The following DRG2 variants were observed in gnomAD, a reference collection of about 807,000 sequenced individuals.
DRG2 encodes the protein developmentally regulated GTP binding protein 2.
In DRG2, 36 loss-of-function variants were observed where a neutral mutation model predicts 53.4. The observed-to-expected ratio is 0.67, with a 90% confidence interval of 0.52 to 0.89. The LOEUF is 0.89. Among genes scored for constraint, DRG2 ranks in the 40% least tolerant of loss-of-function variants. DRG2 has a pLI of 0.00. For missense variants in DRG2, 342 were observed against 481.2 expected (o/e 0.71, Z 2.71); for synonymous variants, 167 against 192.1 (o/e 0.87, Z 1.08).
chr17:18,106,457 G>T lies in DRG2; in HGVS notation c.979G>T (p.Ala327Ser), dbSNP rs374043604. Reference protein sequence around the residue: ...HVCHRIHRSLASQFKYALVWG... With the variant: ...HVCHRIHRSLSSQFKYALVWG... ...GTGCCACCGCATCCACCGGTCACTC[G>T]CCAGCCAGTTCAAGTACGCCCTGGT... is the stretch of plus-strand genomic sequence containing the variant. Residue 327 changes from alanine to serine, a missense_variant, in exon 12 of 13, where the codon GCC becomes TCC. By Grantham distance (99) the Ala-to-Ser change is moderately conservative (BLOSUM62 1). Transcript: ENST00000225729. 3.7e-6 allele frequency: 6 copies of T among 1,614,010 alleles called. No individual in the cohort carries two copies. Among genetic ancestry groups the T allele is most frequent in the Non-Finnish European group, 5.1e-6 (6 of 1,179,942 alleles).
chr17:18,089,706 T>C (rs1345268873), intron 1 of DRG2, among the ~76,000 whole-genome samples: 1 of 152,122 alleles, frequency 6.6e-6, no homozygotes, highest in Admixed American at 6.6e-5. Context: ...GCATTTGAAC[T>C]AAGACCTGAT....
Position 18,098,222 on chromosome 17 carries a change from A to C in DRG2, c.226-48A>C, listed in dbSNP as rs987299468. 9 of 1,531,344 alleles carry C rather than the reference A, an allele frequency of 5.9e-6. No individual in the cohort carries two copies. Among genetic ancestry groups the C allele is most frequent in the Non-Finnish European group, 7.2e-6 (8 of 1,106,996 alleles). 94.9% of individuals were successfully genotyped at this position (1,531,344 alleles called of 1,614,324 possible). A position where few individuals can be genotyped will look rare whatever the true frequency, so the allele number is the denominator to read the frequency against. On this transcript the variant is annotated intron_variant, in intron 2 of 12. Coordinates refer to ENST00000225729, the MANE Select transcript of DRG2 (RefSeq NM_001388.5). The surrounding 1 kb of genome is among the most constrained non-coding windows in gnomAD (Gnocchi z 4.1). ...CCCCAGCCCCTGGGGCCTCTCCCAG[A>C]AGGCCAGGGACAAGGCTCCTCAGTG... is the stretch of plus-strand genomic sequence containing the variant.
chr17:18,103,993 G>C lies in DRG2; in HGVS notation c.895+104G>C, dbSNP rs2045583597. The C allele has an allele frequency of 2.7e-6, 3 of 1,116,514 alleles. No homozygotes were observed. The South Asian group carries it at 3.9e-5, about 15-fold the overall frequency. 69.2% of individuals were successfully genotyped at this position (1,116,514 alleles called of 1,614,324 possible). A position where few individuals can be genotyped will look rare whatever the true frequency, so the allele number is the denominator to read the frequency against. ...GAGACCCCAGCACCGGCTCTGGCCT[G>C]GCTTGTCTAGACACACCTCAGCTCT... On this transcript the variant is annotated intron_variant, in intron 10 of 12. Transcript: ENST00000225729. This position sits in a 1 kb window ranked among gnomAD's most constrained non-coding sequence, Gnocchi z 4.4.
At position 18,099,374 on chromosome 17, in the gene DRG2, T is replaced by C; in HGVS notation, c.377-259T>C. ...GGAAATGTTCAGGAAGCATTTAGCCTGGGCCCTGCCACATGGTAGGGGTGG... is the reference window on the plus strand; with the variant it reads ...GGAAATGTTCAGGAAGCATTTAGCCCGGGCCCTGCCACATGGTAGGGGTGG... On this transcript the variant is annotated intron_variant, in intron 4 of 12. Transcript: ENST00000225729. This position sits in a 1 kb window ranked among gnomAD's most constrained non-coding sequence, Gnocchi z 4.4. 1.6e-6 allele frequency: 1 copy of C among 611,248 alleles called. No homozygotes were observed. 37.9% of individuals were successfully genotyped at this position (611,248 alleles called of 1,614,324 possible).
Position 18,099,861 on chromosome 17 carries a change from C to T in DRG2, c.467+138C>T, listed in dbSNP as rs1054749091. 3.7e-6 allele frequency: 3 copies of T among 807,840 alleles called. No homozygotes were observed. In the African/African-American group the frequency reaches 5.1e-5, roughly 14 times the overall value. 50.0% of individuals were successfully genotyped at this position (807,840 alleles called of 1,614,324 possible). On this transcript the variant is annotated intron_variant, in intron 5 of 12. Coordinates refer to ENST00000225729, the MANE Select transcript of DRG2 (RefSeq NM_001388.5). The surrounding 1 kb of genome is among the most constrained non-coding windows in gnomAD (Gnocchi z 4.4). Reference sequence around the variant, plus strand: ...GGTAGGACTTGTCACAGACTAAACCCAACACCACCCAGCCTATGGCGTCTT... The same window carrying T: ...GGTAGGACTTGTCACAGACTAAACCTAACACCACCCAGCCTATGGCGTCTT...
At position 18,098,648 on chromosome 17, in the gene DRG2, C is replaced by T. The variant is rs965029616; in HGVS notation, c.315+289C>T. ...CCACCACAGCTCTGGTCACTAATTG[C>T]TGCTTGGCTGGATCCTTCTGCCTCC... On this transcript the variant is annotated intron_variant, in intron 3 of 12. Coordinates refer to ENST00000225729, the MANE Select transcript of DRG2 (RefSeq NM_001388.5). This position sits in a 1 kb window ranked among gnomAD's most constrained non-coding sequence, Gnocchi z 4.1. 1.3e-5 allele frequency among the ~76,000 whole-genome samples: 2 copies of T among 152,248 alleles called. No individual in the cohort carries two copies. The highest frequency in any genetic ancestry group is 2.9e-5 in the Non-Finnish European group (2 of 68,046).
chr17:18,092,258 G>A (rs1450131195), intron 1 of DRG2, among the ~76,000 whole-genome samples: 1 of 152,162 alleles, frequency 6.6e-6, no homozygotes, highest in Non-Finnish European at 1.5e-5. Flanking sequence ...ACAGCCAGGA[G>A]TTCAAGACCA....
In DRG2 at chr17:18,100,250, G is replaced by C. The variant is rs1013126478; in HGVS notation, c.468-113G>C. Reference sequence around the variant, plus strand: ...GTGTTCTCTGGGTTGCTGGGGAAGGGGGTGGAGGAGAGAGTCAGTCTCTGG... The same window carrying C: ...GTGTTCTCTGGGTTGCTGGGGAAGGCGGTGGAGGAGAGAGTCAGTCTCTGG... On this transcript the variant is annotated intron_variant, in intron 5 of 12. Coordinates refer to ENST00000225729, the MANE Select transcript of DRG2 (RefSeq NM_001388.5). The surrounding 1 kb of genome is among the most constrained non-coding windows in gnomAD (Gnocchi z 4.1). 4.8e-5 allele frequency: 52 copies of C among 1,079,164 alleles called. No individual in the cohort carries two copies. The highest frequency in any genetic ancestry group is 2.2e-4 in the Admixed American group (13 of 58,032). The allele number at this position is 1,079,164 out of a possible 1,614,324, so 66.8% of individuals were successfully genotyped here.
chr17:18,100,918 G>A lies in DRG2; in HGVS notation c.631+259G>A, dbSNP rs1170254841. On this transcript the variant is annotated intron_variant, in intron 7 of 12. Coordinates refer to ENST00000225729, the MANE Select transcript of DRG2 (RefSeq NM_001388.5). The surrounding 1 kb of genome is among the most constrained non-coding windows in gnomAD (Gnocchi z 4.1). ...GACATCCGGAAGAAAAAGATGTCATGGGAAACAGCCTCTGAGGACGGGGGG... is the reference window on the plus strand; with the variant it reads ...GACATCCGGAAGAAAAAGATGTCATAGGAAACAGCCTCTGAGGACGGGGGG... 1.3e-5 allele frequency among the ~76,000 whole-genome samples: 2 copies of A among 152,188 alleles called. No individual in the cohort carries two copies. Among genetic ancestry groups the A allele is most frequent in the South Asian group, 2.1e-4 (1 of 4,836 alleles).
rs756320814 is a variant in DRG2, at chr17:18,107,182, G to C, written c.1037G>C (p.Arg346Pro). 1.2e-6 allele frequency: 2 copies of C among 1,613,344 alleles called. No individual in the cohort carries two copies. Among genetic ancestry groups the C allele is most frequent in the African/African-American group, 1.3e-5 (1 of 74,940 alleles). ...WGTSTKYSPQRVGLTHTMEHE... is the reference protein window; with the variant it reads ...WGTSTKYSPQPVGLTHTMEHE... ...ACCAGCACCAAGTACAGTCCGCAGCGGGTGGGCCTGACCCACACCATGGAG... is the reference window on the plus strand; with the variant it reads ...ACCAGCACCAAGTACAGTCCGCAGCCGGTGGGCCTGACCCACACCATGGAG... Residue 346 changes from arginine (R) to proline (P), a missense_variant, in exon 13 of 13, where the codon CGG (arginine) becomes CCG (proline). Transcript: ENST00000225729.
intron 11 of DRG2, 99 bp from the exon 12 acceptor site, chr17:18,106,334 G>C (rs2045630307): frequency 7.2e-7 from 1 of 1,398,248 alleles, no homozygotes; most frequent in African/African-American, 1.4e-5. Flanking sequence ...GGGAACTCCT[G>C]CCTCTTGGCC....
intron 7 of DRG2, 141 bp from the exon 8 acceptor site, chr17:18,101,352 A>G (rs925669437): frequency 7.2e-6 from 5 of 689,794 alleles, no homozygotes; most frequent in South Asian, 1.8e-5. Context: ...CCAAAGCATT[A>G]CAATCTTGCA....
chr17:18,098,169 TCTC>T lies in DRG2; in HGVS notation c.226-95_226-93del. The T allele has an allele frequency of 4.3e-6, 4 of 920,168 alleles. No individual in the cohort carries two copies. Among genetic ancestry groups the T allele is most frequent in the Admixed American group, 1.9e-5 (1 of 51,746 alleles). The allele number at this position is 920,168 out of a possible 1,614,324, so 57.0% of individuals were successfully genotyped here. A position where few individuals can be genotyped will look rare whatever the true frequency, so the allele number is the denominator to read the frequency against. ...GGTCACCAAGCCGAGGGTGAGAGGG[TCTC>T]CTCCTGCTGCCTGCACCTGCAGGCC... On this transcript the variant is annotated intron_variant, in intron 2 of 12. Coordinates refer to ENST00000225729, the MANE Select transcript of DRG2 (RefSeq NM_001388.5). This position sits in a 1 kb window ranked among gnomAD's most constrained non-coding sequence, Gnocchi z 4.1.
chr17:18,098,211 G>A lies in DRG2; in HGVS notation c.226-59G>A, dbSNP rs558251837. On this transcript the variant is annotated intron_variant, in intron 2 of 12. Coordinates refer to ENST00000225729, the MANE Select transcript of DRG2 (RefSeq NM_001388.5). The surrounding 1 kb of genome is among the most constrained non-coding windows in gnomAD (Gnocchi z 4.1). ...CACCTGCAGGCCCCCAGCCCCTGGG[G>A]CCTCTCCCAGAAGGCCAGGGACAAG... 3 of 1,462,330 alleles carry A rather than the reference G, an allele frequency of 2.1e-6. No individual in the cohort carries two copies. Among genetic ancestry groups the A allele is most frequent in the East Asian group, 2.3e-5 (1 of 43,488 alleles). 90.6% of individuals were successfully genotyped at this position (1,462,330 alleles called of 1,614,324 possible).
In DRG2 at chr17:18,088,381, TG is replaced by T. The variant is rs568330110; in HGVS notation, c.64+298del. Among the ~76,000 whole-genome samples, 26 of 152,318 alleles carry T rather than the reference TG, an allele frequency of 1.7e-4. No homozygotes were observed. In the South Asian group the frequency reaches 4.8e-3, roughly 28 times the overall value. On this transcript the variant is annotated intron_variant, in intron 1 of 12. Transcript: ENST00000225729. ...CATCTGACCCAGAGAGAGGCGGAGC[TG>T]GGGTTCAAACCTCAGTCTCCTGATG...
intron 8 of DRG2, 39 bp downstream of exon 8, chr17:18,101,629 C>CT (rs757129076): frequency 6.3e-7 from 1 of 1,589,000 alleles, no homozygotes; most frequent in Non-Finnish European, 8.6e-7. Context: ...GCCACTCGGC[C>CT]TTTCTACCAC....
At chr17:18,094,861 T>C (rs1324573404) in intron 2 of DRG2, among the ~76,000 whole-genome samples, 1 of 148,332 alleles carries the variant, frequency 6.7e-6, no homozygotes, top group African/African-American at 2.5e-5. Flanking sequence ...GTAATCTCAG[T>C]TACTCGGGAG....
At position 18,102,010 on chromosome 17, in the gene DRG2, G is replaced by A; in HGVS notation, c.806+13G>A. On this transcript the variant is annotated intron_variant, in intron 9 of 12. Coordinates refer to ENST00000225729, the MANE Select transcript of DRG2 (RefSeq NM_001388.5). ...GTGTGGTCATCAGGTGAGGCCACTG[G>A]CATCCTGCCACTCTGCTGTCCTTGC... 4 of 1,596,332 alleles carry A rather than the reference G, an allele frequency of 2.5e-6. No homozygotes were observed. The highest frequency in any genetic ancestry group is 3.4e-6 in the Non-Finnish European group (4 of 1,171,116).
At chr17:18,094,229 G>A (rs1044489881) in intron 2 of DRG2, 18 of 453,432 alleles carry the variant, frequency 4.0e-5, no homozygotes, top group Non-Finnish European at 6.4e-5. Flanking sequence ...TGTATCTCTA[G>A]CGGTGTCATG....
Sources: allele counts gnomAD v4.1 joint callset (sites outside exome capture counted in the v4.1 genomes callset), GRCh38; gene constraint gnomAD v4.1.1; non-coding constraint Gnocchi (gnomAD v3.1); transcripts MANE v1.5; gene names NCBI Gene and HGNC (gene_info 2026-07-23, HGNC 2026-07-21).